Variants in ZZEF1 observed in about 807,000 individuals in gnomAD.
ZZEF1 encodes the protein zinc finger ZZ-type and EF-hand domain-containing protein 1.
Under a neutral mutation model 342.8 loss-of-function variants are expected in ZZEF1, and 157 were observed. The observed-to-expected ratio is 0.46, with a 90% CI of 0.40 to 0.52. The LOEUF (loss-of-function observed/expected upper bound fraction) is 0.52. ZZEF1 is among the 20% of genes least tolerant of loss of function. ZZEF1 has a pLI of 0.00. For missense variants in ZZEF1, 3,480 were observed against 3,725.6 expected (o/e 0.93, Z 1.72); for synonymous variants, 1,505 against 1,429.1 (o/e 1.05, Z -1.20).
chr17:4,055,201 A>T (rs2057131488), intron 33 of ZZEF1, among the ~76,000 whole-genome samples: 1 of 152,196 alleles, frequency 6.6e-6, no homozygotes, highest in South Asian at 2.1e-4. Flanking sequence ...GTCATACAGT[A>T]GACCAGAGCA....
rs117738178 is a variant in ZZEF1, at chr17:4,117,138, C to G, written c.528G>C (p.Lys176Asn). 8 of 1,613,266 alleles carry G rather than the reference C, an allele frequency of 5.0e-6. No individual in the cohort carries two copies. The Admixed American group carries it at 1.3e-4, about 27-fold the overall frequency. ...PGFTDIFSES[K>N]EGLDIHSSMI... ...TTGACGAGTGAATATCAAGGCCCTC[C>G]TTCGACTCTGAAAATATGTCTGTGA... The change falls in exon 3 of 55, where the codon AAG becomes AAC. Residue 176 changes from lysine (K) to asparagine (N), a missense_variant. By Grantham distance (94) the Lys-to-Asn change is moderately conservative. Transcript: ENST00000381638.
At position 4,017,568 on chromosome 17, in the gene ZZEF1, C is replaced by A; in HGVS notation, c.7804G>T (p.Ala2602Ser). The A allele has an allele frequency of 6.2e-7, 1 of 1,614,272 alleles. No homozygotes were observed. The highest frequency in any genetic ancestry group is 8.5e-7 in the Non-Finnish European group (1 of 1,180,052). Residue 2602 changes from alanine to serine, a missense_variant, in exon 48 of 55, where the codon GCT becomes TCT. Physicochemically the swap from Ala to Ser is moderately conservative, Grantham distance 99. Transcript: ENST00000381638. This position sits in a 1 kb window ranked among gnomAD's most constrained non-coding sequence, Gnocchi z 5.1. ...HKELNCKSKR[A>S]VRDYLFRVNE... ...ACTCGGAAGAGGTAGTCCCGGACAGCCCTCTTACTCTTGCAGTTCAGCTCC... is the reference window on the plus strand; with the variant it reads ...ACTCGGAAGAGGTAGTCCCGGACAGACCTCTTACTCTTGCAGTTCAGCTCC...
chr17:4,017,693 G>C lies in ZZEF1; in HGVS notation c.7679C>G (p.Ser2560Trp). The C allele has an allele frequency of 6.2e-7, 1 of 1,613,490 alleles. No individual in the cohort carries two copies. Among genetic ancestry groups the C allele is most frequent in the Non-Finnish European group, 8.5e-7 (1 of 1,179,982 alleles). ...PARCDQATAESNPVTQKLISS... is the reference protein window; with the variant it reads ...PARCDQATAEWNPVTQKLISS... ...GATCAGCTTCTGGGTCACAGGGTTC[G>C]ATTCAGCAGTGGCTTGGTCACAGCG... Residue 2560 changes from serine (S) to tryptophan (W), a missense_variant, in exon 48 of 55, where the codon TCG (serine) becomes TGG (tryptophan). Physicochemically the swap from Ser to Trp is radical, Grantham distance 177 (BLOSUM62 -3). Transcript: ENST00000381638. The surrounding 1 kb of genome is among the most constrained non-coding windows in gnomAD (Gnocchi z 5.1).
In ZZEF1 at chr17:4,113,318, C is replaced by T. The variant is rs575282756; in HGVS notation, c.867-510G>A. Reference sequence around the variant, plus strand: ...ATACCACTGTTTATTATCATTAGCTCCACTCCAGGATTCTTGACCACACTA... The same window carrying T: ...ATACCACTGTTTATTATCATTAGCTTCACTCCAGGATTCTTGACCACACTA... On this transcript the variant is annotated intron_variant, in intron 4 of 54. Coordinates refer to ENST00000381638, the MANE Select transcript of ZZEF1 (RefSeq NM_015113.4). 7.2e-5 allele frequency among the ~76,000 whole-genome samples: 11 copies of T among 152,288 alleles called. 1 individual carries two copies. In the South Asian group the frequency reaches 1.0e-3, roughly 14 times the overall value.
intron 1 of ZZEF1, among the ~76,000 whole-genome samples, chr17:4,137,531 G>T (rs1172471084): frequency 6.6e-6 from 1 of 152,194 alleles, no homozygotes; most frequent in African/African-American, 2.4e-5. Context: ...AGAATGGTGT[G>T]AACCTGGGAG....
chr17:4,113,852 A>T (rs1442422431), intron 4 of ZZEF1, among the ~76,000 whole-genome samples: 1 of 151,114 alleles, frequency 6.6e-6, no homozygotes, highest in African/African-American at 2.4e-5. Context: ...GCCTGCCTAA[A>T]TCCCAGCGAC....
intron 45 of ZZEF1, among the ~76,000 whole-genome samples, chr17:4,020,349 TTTAC>T (rs1243811965): frequency 1.3e-5 from 2 of 152,176 alleles, no homozygotes; most frequent in Non-Finnish European, 2.9e-5. Flanking sequence ...ATTCATAGCT[TTTAC>T]TTATTCATGG....
At chr17:4,085,061 G>C (rs2057794246) in intron 16 of ZZEF1, among the ~76,000 whole-genome samples, 1 of 152,160 alleles carries the variant, frequency 6.6e-6, no homozygotes, top group South Asian at 2.1e-4. Flanking sequence ...GCAGTGAGTT[G>C]TGATTGCACC....
rs1567821133 is a variant in ZZEF1, at chr17:4,078,154, C to T, written c.2830-112G>A. On this transcript the variant is annotated intron_variant, in intron 18 of 54. Coordinates refer to ENST00000381638, the MANE Select transcript of ZZEF1 (RefSeq NM_015113.4). ...CACCAGCAAAAACAAACTATAGCCA[C>T]GGAAAAGTCATGAAACAGCTTTCAA... is the stretch of plus-strand genomic sequence containing the variant. 6 of 1,141,974 alleles carry T rather than the reference C, an allele frequency of 5.3e-6. No individual in the cohort carries two copies. The South Asian group carries it at 5.3e-5, about 10-fold the overall frequency. The allele number at this position is 1,141,974 out of a possible 1,614,324, so 70.7% of individuals were successfully genotyped here.
intron 27 of ZZEF1, among the ~76,000 whole-genome samples, 199 bp from the exon 28 acceptor site, chr17:4,066,739 A>G (rs1366605837): frequency 6.6e-6 from 1 of 152,146 alleles, no homozygotes; most frequent in African/African-American, 2.4e-5. Flanking sequence ...CTTTCTCTAA[A>G]GCCTATCTAG....
At position 4,082,439 on chromosome 17, in the gene ZZEF1, A is replaced by T. The variant is rs2057741514; in HGVS notation, c.2712T>A (p.Phe904Leu). ...QLTFRSLCTYFSDKDPGGLLL... is the reference protein window; with the variant it reads ...QLTFRSLCTYLSDKDPGGLLL... ...ATTAAAAAGAACGATCAGCTTACCT[A>T]AAATACGTGCACAGTGAACGGAAAG... The change falls in exon 17 of 55, where the codon TTT becomes TTA. Residue 904 changes from phenylalanine (F) to leucine (L), a missense_variant and splice_region_variant. Physicochemically the swap from Phe to Leu is conservative, Grantham distance 22. This residue lies in a region of ZZEF1 where 1,528 missense variants were observed against 1,624.1 expected (regional missense o/e 0.94). Coordinates refer to ENST00000381638, the MANE Select transcript of ZZEF1 (RefSeq NM_015113.4). 1 of 1,613,910 alleles carries T rather than the reference A, an allele frequency of 6.2e-7. No homozygotes were observed. Among genetic ancestry groups the T allele is most frequent in the Admixed American group, 1.7e-5 (1 of 60,010 alleles).
At chr17:4,091,322 C>T (rs971720875) in intron 11 of ZZEF1, among the ~76,000 whole-genome samples, 3 of 152,218 alleles carry the variant, frequency 2.0e-5, no homozygotes, top group African/African-American at 7.2e-5. Context: ...ACAAAAACCC[C>T]AGCCTTCGTA....
chr17:4,104,523 A>G (rs1425294694), intron 8 of ZZEF1, 110 bp downstream of exon 8: 13 of 1,241,004 alleles, frequency 1.0e-5, no homozygotes, highest in Admixed American at 6.5e-5. Context: ...TGGTGTAACT[A>G]TAACAACCCA....
At chr17:4,047,655 A>G (rs1049059191) in intron 37 of ZZEF1, among the ~76,000 whole-genome samples, 4 of 148,836 alleles carry the variant, frequency 2.7e-5, no homozygotes, top group Admixed American at 6.8e-5. Context: ...AAAAAATAAG[A>G]AAAGTGGCCG....
chr17:4,014,592 C>T lies in ZZEF1; in HGVS notation c.8146-77G>A. ...GACTGCAGCTGTCCCATGCCGAGTC[C>T]TGTGGCTGGACCCGGGTGTGTGAGA... On this transcript the variant is annotated intron_variant, in intron 49 of 54. Transcript: ENST00000381638. This position sits in a 1 kb window ranked among gnomAD's most constrained non-coding sequence, Gnocchi z 4.4. The T allele has an allele frequency of 2.6e-6, 4 of 1,509,800 alleles. No homozygotes were observed. In the East Asian group the frequency reaches 9.0e-5, roughly 34 times the overall value. 93.5% of individuals were successfully genotyped at this position (1,509,800 alleles called of 1,614,324 possible). A position where few individuals can be genotyped will look rare whatever the true frequency, so the allele number is the denominator to read the frequency against.
chr17:4,057,909 A>G (rs2057199937), intron 32 of ZZEF1, 85 bp downstream of exon 32: 5 of 1,379,824 alleles, frequency 3.6e-6, no homozygotes, highest in Non-Finnish European at 5.0e-6. Flanking sequence ...CTAGCTCCGG[A>G]GTCTGTGCTC....
At chr17:4,020,091 A>C in intron 45 of ZZEF1, 1 of 224,954 alleles carries the variant, frequency 4.4e-6, no homozygotes, top group Non-Finnish European at 8.6e-6. Flanking sequence ...ACTGTTTTAC[A>C]CTCAAGTTTG....
rs994551143 is a variant in ZZEF1 at position 4,034,219 on chromosome 17, C to T, written c.6380G>A (p.Gly2127Asp). The T allele has an allele frequency of 2.5e-6, 4 of 1,614,136 alleles. No individual in the cohort carries two copies. The Admixed American group carries it at 5.0e-5, about 20-fold the overall frequency. Residue 2127 changes from glycine to aspartate, a missense_variant, in exon 40 of 55, where the codon GGC becomes GAC. Around this residue, in one of 5 missense-constraint regions of ZZEF1, gnomAD observed 1,269 missense variants for 1,342.4 expected, o/e 0.95. Coordinates refer to ENST00000381638, the MANE Select transcript of ZZEF1 (RefSeq NM_015113.4). ...LMFQVVISNAGHLNETYHLTL... is the reference protein window; with the variant it reads ...LMFQVVISNADHLNETYHLTL... ...GAGATGGTAGGTTTCATTCAGGTGG[C>T]CTGCGTTTGAGATGACAACCTGAAA... is the stretch of plus-strand genomic sequence containing the variant.
chr17:4,060,118 T>C (rs2057252369), intron 30 of ZZEF1, among the ~76,000 whole-genome samples: 2 of 152,230 alleles, frequency 1.3e-5, no homozygotes, highest in South Asian at 4.1e-4. Context: ...AGAAATCTTA[T>C]ACCTATATCA....
Sources: gnomAD v4.1 joint callset for allele counts (sites outside exome capture counted in the v4.1 genomes callset) on GRCh38, gnomAD v4.1.1 for gene constraint, gnomAD v4.1.1 regional missense constraint, Gnocchi (gnomAD v3.1) non-coding constraint, MANE v1.5 for transcripts, NCBI Gene and HGNC (gene_info 2026-07-23, HGNC 2026-07-21) for gene names.